The following SPHKAP variants were observed in gnomAD, a reference collection of about 807,000 sequenced individuals.
The protein encoded by SPHKAP is A-kinase anchor protein SPHKAP.
Under a neutral mutation model 137.5 loss-of-function variants are expected in SPHKAP, and 67 were observed. The ratio of observed to expected loss-of-function variants is 0.49; its 90% CI spans 0.40 to 0.60. SPHKAP has a LOEUF of 0.60. SPHKAP is among the 20% of genes least tolerant of loss of function. The pLI, the probability that SPHKAP is intolerant of heterozygous loss-of-function variation, is 0.00. For missense variants in SPHKAP, 2,097 were observed against 2,069.3 expected (o/e 1.01, Z -0.26); for synonymous variants, 813 against 785.3 (o/e 1.04, Z -0.59).
In SPHKAP at chr2:228,111,688, T is replaced by C. The variant is rs1046687682; in HGVS notation, c.139-2749A>G. On this transcript the variant is annotated intron_variant, in intron 2 of 11. Transcript: ENST00000392056. ...ATTTAATCTTTTTTGCAATGCCCTA[T>C]GGTAGGAATTATTATAAAGATACAA... Among the ~76,000 whole-genome samples, 3 of 152,118 alleles carry C rather than the reference T, an allele frequency of 2.0e-5. No homozygotes were observed. In the South Asian group the frequency reaches 6.2e-4, roughly 32 times the overall value.
Position 228,019,097 on chromosome 2 carries a change from C to A in SPHKAP, c.1757G>T (p.Ser586Ile), listed in dbSNP as rs962671772. 3 of 1,613,858 alleles carry A rather than the reference C, an allele frequency of 1.9e-6. No homozygotes were observed. The African/African-American group carries it at 4.0e-5, about 22-fold the overall frequency. Residue 586 changes from serine to isoleucine, a missense_variant, in exon 7 of 12, where the codon AGT becomes ATT. By Grantham distance (142) the Ser-to-Ile change is moderately radical. Coordinates refer to ENST00000392056, the MANE Select transcript of SPHKAP (RefSeq NM_001142644.2). ...CTCAGCTGCAGGCGGGAGGCTACCA[C>A]TTGGAGCCACTGAGCATGTCACCTC... The part of the protein sequence containing the change: ...REEVTCSVAP[S>I]GSLPPAAEAS...
rs1013673216 is a variant in SPHKAP at position 227,980,120 on chromosome 2, G to A, written c.*1597C>T. The A allele has an allele frequency of 1.9e-4, 29 of 152,634 alleles. No individual in the cohort carries two copies. The highest frequency in any genetic ancestry group is 6.8e-4 in the African/African-American group (28 of 41,452). The allele number at this position is 152,634 out of a possible 1,614,324, so 9.5% of individuals were successfully genotyped here. ...TTCTGGGATTGTTTAAAAAATAAGT[G>A]TATTCTATTCCATTTGATAGCACAA... On this transcript the variant is annotated 3_prime_UTR_variant, in exon 12 of 12. Coordinates refer to ENST00000392056, the MANE Select transcript of SPHKAP (RefSeq NM_001142644.2).
intron 3 of SPHKAP, among the ~76,000 whole-genome samples, chr2:228,036,096 A>G (rs1300384292): frequency 1.3e-5 from 2 of 150,514 alleles, no homozygotes; most frequent in Admixed American, 6.6e-5. Context: ...TGAACAGGCA[A>G]CCTACAGAAT....
At chr2:228,134,184 CAG>C (rs1436110605) in intron 1 of SPHKAP, among the ~76,000 whole-genome samples, 1 of 121,070 alleles carries the variant, frequency 8.3e-6, no homozygotes, top group East Asian at 2.5e-4. Context: ...GGGAGGAAGA[CAG>C]AAGGAAGGAG....
At chr2:228,015,388 T>A (rs13394669) in intron 7 of SPHKAP, among the ~76,000 whole-genome samples, 1 of 150,176 alleles carries the variant, frequency 6.7e-6, no homozygotes. Context: ...ACATACGTGT[T>A]CATGTGTCTT....
At chr2:228,108,133 C>T (rs904634599) in intron 3 of SPHKAP, among the ~76,000 whole-genome samples, 6 of 152,148 alleles carry the variant, frequency 3.9e-5, no homozygotes, top group Non-Finnish European at 7.4e-5. Flanking sequence ...TTACATTTTT[C>T]TCCTCTTTGG....
At chr2:228,028,283 C>T (rs1695137225) in intron 3 of SPHKAP, among the ~76,000 whole-genome samples, 1 of 152,188 alleles carries the variant, frequency 6.6e-6, no homozygotes, top group African/African-American at 2.4e-5. Context: ...CTTTTCTCTA[C>T]CCACTTTTAA....
At chr2:228,029,206 T>C (rs1158979875) in intron 3 of SPHKAP, among the ~76,000 whole-genome samples, 1 of 152,232 alleles carries the variant, frequency 6.6e-6, no homozygotes, top group African/African-American at 2.4e-5. Flanking sequence ...TTCTAACTAG[T>C]TGATTTGATG....
At chr2:227,998,294 G>A (rs115724130) in intron 7 of SPHKAP, among the ~76,000 whole-genome samples, 3,554 of 152,186 alleles carry the variant, frequency 0.023, 150 homozygotes, top group African/African-American at 0.08. Flanking sequence ...CACTGCGCCC[G>A]GCCTTTAGGG....
intron 9 of SPHKAP, chr2:227,991,737 A>G: frequency 2.1e-6 from 2 of 943,884 alleles, no homozygotes; most frequent in Non-Finnish European, 2.5e-6. Flanking sequence ...ATATGTTCCC[A>G]TCTTGTCACA....
chr2:228,054,430 G>T (rs1352019196), intron 3 of SPHKAP, among the ~76,000 whole-genome samples: 1 of 152,148 alleles, frequency 6.6e-6, no homozygotes, highest in African/African-American at 2.4e-5. Flanking sequence ...CCAGGAGAAA[G>T]TGTAGAATGG....
intron 7 of SPHKAP, among the ~76,000 whole-genome samples, chr2:228,014,053 T>C (rs1015942638): frequency 1.3e-5 from 2 of 152,338 alleles, no homozygotes; most frequent in East Asian, 3.9e-4. Context: ...GGAAAAAGCA[T>C]TGAATTGTAC....
chr2:228,007,542 T>C (rs113810908), intron 7 of SPHKAP, among the ~76,000 whole-genome samples: 65 of 152,240 alleles, frequency 4.3e-4, no homozygotes, highest in African/African-American at 1.4e-3. Flanking sequence ...CTTTTTAAGA[T>C]TCCATACGTG....
intron 1 of SPHKAP, among the ~76,000 whole-genome samples, chr2:228,159,104 C>T (rs1229109176): frequency 6.6e-6 from 1 of 152,128 alleles, no homozygotes; most frequent in Non-Finnish European, 1.5e-5. Context: ...CATCCTCTCC[C>T]GACTCTGAGC....
At chr2:228,118,859 C>T (rs1225780702) in intron 2 of SPHKAP, among the ~76,000 whole-genome samples, 1 of 151,920 alleles carries the variant, frequency 6.6e-6, no homozygotes, top group African/African-American at 2.4e-5. Context: ...CATTGGTGCA[C>T]AAAACAAGAA....
At chr2:228,032,654 GC>G (rs1240614068) in intron 3 of SPHKAP, among the ~76,000 whole-genome samples, 1 of 152,204 alleles carries the variant, frequency 6.6e-6, no homozygotes, top group African/African-American at 2.4e-5. Flanking sequence ...ACAAAGGGAA[GC>G]CCATCAGACT....
chr2:228,085,573 T>C (rs1428246910), intron 3 of SPHKAP, among the ~76,000 whole-genome samples: 1 of 152,246 alleles, frequency 6.6e-6, no homozygotes, highest in African/African-American at 2.4e-5. Context: ...AGCTTTTAGC[T>C]GACAATTGTA....
intron 3 of SPHKAP, among the ~76,000 whole-genome samples, chr2:228,047,298 T>G: frequency 6.6e-6 from 1 of 151,962 alleles, no homozygotes; most frequent in Non-Finnish European, 1.5e-5. Context: ...AAACCCCATC[T>G]CTGCTAAAAA....
Position 228,018,655 on chromosome 2 carries a change from A to G in SPHKAP, c.2199T>C (p.Cys733=). 6.2e-7 allele frequency: 1 copy of G among 1,614,202 alleles called. No homozygotes were observed. ...KMSHIVRLGE[C]PAVLSKETIR... is the part of the protein sequence containing the mutation. Reference sequence around the variant, plus strand: ...TGGTCTCCTTAGAAAGGACAGCAGGACATTCACCAAGCCGTACAATATGAC... The same window carrying G: ...TGGTCTCCTTAGAAAGGACAGCAGGGCATTCACCAAGCCGTACAATATGAC... The change falls in exon 7 of 12, where the codon TGT becomes TGC. Residue 733 remains cysteine, a synonymous_variant. Transcript: ENST00000392056.
Sources: allele counts gnomAD v4.1 joint callset (sites outside exome capture counted in the v4.1 genomes callset), GRCh38; gene constraint gnomAD v4.1.1; transcripts MANE v1.5; gene names NCBI Gene and HGNC (gene_info 2026-07-23, HGNC 2026-07-21).